The following WDR49 variants were observed in gnomAD, a reference collection of about 807,000 sequenced individuals.
WDR49 encodes the protein cilia- and flagella-associated protein 337.
WDR49 carries 107 observed loss-of-function variants against 119.5 expected under a neutral mutation model. That is an observed-to-expected ratio of 0.90 (90% CI 0.77 to 1.05). WDR49 has a LOEUF of 1.05. WDR49 is among the 50% of genes least tolerant of loss of function. The pLI, the probability that WDR49 is intolerant of heterozygous loss-of-function variation, is 0.00. For missense variants in WDR49, 1,240 were observed against 1,220.5 expected (o/e 1.02, Z -0.24); for synonymous variants, 425 against 418.8 (o/e 1.01, Z -0.18).
chr3:167,621,029 A>G (rs551638890), intron 4 of WDR49, among the ~76,000 whole-genome samples: 40 of 152,284 alleles, frequency 2.6e-4, no homozygotes, highest in African/African-American at 4.8e-4. Context: ...CTTTTGTTAT[A>G]TGATACAGGC....
intron 7 of WDR49, among the ~76,000 whole-genome samples, chr3:167,579,727 CA>C (rs1466929750): frequency 6.6e-6 from 1 of 152,026 alleles, no homozygotes; most frequent in East Asian, 1.9e-4. Flanking sequence ...TCTTAAAAAA[CA>C]TGAATTCTGT....
intron 16 of WDR49, among the ~76,000 whole-genome samples, chr3:167,513,014 G>C (rs549320672): frequency 3.9e-5 from 6 of 152,320 alleles, no homozygotes; most frequent in African/African-American, 1.4e-4. Context: ...ATGGAAACAA[G>C]TTGGAAAACA....
At chr3:167,526,509 T>C (rs952531976) in intron 15 of WDR49, among the ~76,000 whole-genome samples, 1 of 152,302 alleles carries the variant, frequency 6.6e-6, no homozygotes, top group Non-Finnish European at 1.5e-5. Context: ...CCCTCTTTCC[T>C]GTCCAGACTG....
rs114712660 is a variant in WDR49 at position 167,598,925 on chromosome 3, C to T, written c.1275+3202G>A. ...TCTTATTCTCTCACCTTACTTTCTA[C>T]CAAACAAATAGAGTCTCTCTGTCTC... On this transcript the variant is annotated intron_variant, in intron 7 of 18. Coordinates refer to ENST00000682715, the MANE Select transcript of WDR49 (RefSeq NM_001366157.1). Among the ~76,000 whole-genome samples the T allele has an allele frequency of 1.9e-3, 295 of 152,316 alleles. 1 individual carries two copies. Among genetic ancestry groups the T allele is most frequent in the African/African-American group, 6.5e-3 (269 of 41,572 alleles).
chr3:167,565,179 C>A (rs1407906823), intron 8 of WDR49, among the ~76,000 whole-genome samples: 2 of 151,970 alleles, frequency 1.3e-5, no homozygotes, highest in African/African-American at 2.4e-5. Context: ...TAGTTATAAA[C>A]CTTGCTTAGT....
intron 5 of WDR49, among the ~76,000 whole-genome samples, chr3:167,616,551 C>T (rs1185080871): frequency 1.3e-5 from 2 of 151,196 alleles, no homozygotes; most frequent in Admixed American, 1.3e-4. Flanking sequence ...CAAAGATTAG[C>T]GTTAGAGGAC....
intron 16 of WDR49, among the ~76,000 whole-genome samples, chr3:167,517,922 C>A (rs1238772286): frequency 5.4e-5 from 8 of 147,726 alleles, no homozygotes; most frequent in Non-Finnish European, 1.0e-4. Flanking sequence ...GTGTGATGTT[C>A]CCCTTCCTGT....
chr3:167,628,079 A>T (rs9835697), intron 2 of WDR49, among the ~76,000 whole-genome samples: 40,401 of 151,866 alleles, frequency 0.27, 5,661 homozygotes, highest in African/African-American at 0.34. Flanking sequence ...AACCACACCC[A>T]TACAAGACAG....
chr3:167,581,802 T>C (rs1714543010), intron 7 of WDR49, among the ~76,000 whole-genome samples: 1 of 152,174 alleles, frequency 6.6e-6, no homozygotes, highest in South Asian at 2.1e-4. Context: ...TCCAAATCAG[T>C]ATTATTTACA....
intron 2 of WDR49, among the ~76,000 whole-genome samples, chr3:167,636,690 A>C (rs1427612405): frequency 6.6e-6 from 1 of 151,642 alleles, no homozygotes; most frequent in African/African-American, 2.4e-5. Context: ...GTCATTCTGC[A>C]GGAGTAAGGT....
At chr3:167,615,776 C>T (rs1274388141) in intron 5 of WDR49, among the ~76,000 whole-genome samples, 1 of 152,180 alleles carries the variant, frequency 6.6e-6, no homozygotes, top group Non-Finnish European at 1.5e-5. Flanking sequence ...CTCAGTTTCT[C>T]AGCACCAATA....
chr3:167,537,258 A>T (rs1711520187), intron 10 of WDR49, among the ~76,000 whole-genome samples: 1 of 152,166 alleles, frequency 6.6e-6, no homozygotes, highest in African/African-American at 2.4e-5. Context: ...AAACCATGTA[A>T]CAATTTATCA....
At chr3:167,640,340 AATT>A (rs769217747) in intron 2 of WDR49, among the ~76,000 whole-genome samples, 2 of 151,768 alleles carry the variant, frequency 1.3e-5, no homozygotes, top group Non-Finnish European at 2.9e-5. Context: ...AAGTCATTCG[AATT>A]ATTAACCATC....
Position 167,636,602 on chromosome 3 carries a change from T to C in WDR49, c.166-9310A>G, listed in dbSNP as rs1172865048. 2.6e-5 allele frequency among the ~76,000 whole-genome samples: 4 copies of C among 151,826 alleles called. No individual in the cohort carries two copies. In the Admixed American group the frequency reaches 2.6e-4, roughly 10 times the overall value. ...TCACAGTGGTTGTACTAGTTTGCAT[T>C]CCCACCAGCAATGTAGAAGGGTCAC... On this transcript the variant is annotated intron_variant, in intron 2 of 18. Coordinates refer to ENST00000682715, the MANE Select transcript of WDR49 (RefSeq NM_001366157.1).
chr3:167,491,277 G>A (rs1316343755), intron 18 of WDR49, among the ~76,000 whole-genome samples: 1 of 152,142 alleles, frequency 6.6e-6, no homozygotes, highest in Non-Finnish European at 1.5e-5. Context: ...ACACAAGGGG[G>A]ATGAGACTGG....
chr3:167,527,437 A>C (rs1013960041), intron 15 of WDR49, among the ~76,000 whole-genome samples: 7 of 152,108 alleles, frequency 4.6e-5, no homozygotes, highest in Admixed American at 4.6e-4. Flanking sequence ...AATTTTCTGC[A>C]TTTGATTATT....
Position 167,602,131 on chromosome 3 carries a change from T to A in WDR49, c.1271A>T (p.Asp424Val). The change falls in exon 7 of 19, where the codon GAT (aspartate) becomes GTT (valine). Residue 424 changes from aspartate to valine, a missense_variant. Asp to Val is a radical substitution (Grantham distance 152, BLOSUM62 -3). Transcript: ENST00000682715. ...TAAAAGCACAATGTTACTTACTTTA[T>A]CCTTGGAGAAGCTGAAAAGTTGTTT... is the stretch of plus-strand genomic sequence containing the variant. ...ERKQLFSFSK[D>V]KVLRLWDIQH... 1 of 1,596,178 alleles carries A rather than the reference T, an allele frequency of 6.3e-7. No homozygotes were observed. The highest frequency in any genetic ancestry group is 8.6e-7 in the Non-Finnish European group (1 of 1,167,298).
chr3:167,559,853 T>C (rs60487731), intron 9 of WDR49, among the ~76,000 whole-genome samples: 267 of 152,322 alleles, frequency 1.8e-3, no homozygotes, highest in African/African-American at 6.1e-3. Flanking sequence ...CTAAATAATT[T>C]ATTCAGAAAA....
chr3:167,527,457 GTTAA>G (rs1293888147), intron 15 of WDR49, among the ~76,000 whole-genome samples: 8 of 151,924 alleles, frequency 5.3e-5, no homozygotes, highest in Non-Finnish European at 4.4e-5. Context: ...TACGTTCTTA[GTTAA>G]CAGTCATAAT....
Sources: allele counts gnomAD v4.1 joint callset (sites outside exome capture counted in the v4.1 genomes callset), GRCh38; gene constraint gnomAD v4.1.1; transcripts MANE v1.5; gene names NCBI Gene and HGNC (gene_info 2026-07-23, HGNC 2026-07-21).